Variants in CAV2 observed in about 807,000 individuals in gnomAD.
The protein encoded by CAV2 is caveolin-2.
In CAV2, 7 loss-of-function variants were observed where a neutral mutation model predicts 15.5. That is an observed-to-expected ratio of 0.45 (90% CI 0.26 to 0.85). The LOEUF (loss-of-function observed/expected upper bound fraction) is 0.85. CAV2 is among the 40% of genes least tolerant of loss of function. CAV2 has a pLI of 0.18. For synonymous variants in CAV2, 76 were observed against 83.1 expected, an observed-to-expected ratio of 0.91 and a Z score of 0.46; for missense variants, 229 against 208.8, an observed-to-expected ratio of 1.10 and a Z score of -0.60.
intron 2 of CAV2, among the ~76,000 whole-genome samples, chr7:116,503,979 AAG>A (rs1793170441): frequency 6.6e-6 from 1 of 151,114 alleles, no homozygotes; most frequent in South Asian, 2.1e-4. Flanking sequence ...GAAGGAAAGA[AAG>A]AAAGAAAAGA....
At chr7:116,505,141 A>G (rs1793202884) in intron 2 of CAV2, among the ~76,000 whole-genome samples, 1 of 152,198 alleles carries the variant, frequency 6.6e-6, no homozygotes, top group Non-Finnish European at 1.5e-5. Context: ...TAGAAATACA[A>G]TGAGGGAATA....
In CAV2 at chr7:116,500,459, C is replaced by G; in HGVS notation, c.338+12C>G. 6.2e-7 allele frequency: 1 copy of G among 1,608,438 alleles called. No homozygotes were observed. Among genetic ancestry groups the G allele is most frequent in the South Asian group, 1.1e-5 (1 of 90,218 alleles). On this transcript the variant is annotated intron_variant, in intron 2 of 2. Coordinates refer to ENST00000222693, the MANE Select transcript of CAV2 (RefSeq NM_001233.5). ...TGTCTGCACATCTGGTGAGACGGGG[C>G]ACACCGGGTGGACCGGCTTTCTGAA...
In CAV2 at chr7:116,506,422, A is replaced by G. The variant is rs577269030; in HGVS notation, c.*301A>G. 4 of 252,624 alleles carry G rather than the reference A, an allele frequency of 1.6e-5. No homozygotes were observed. The highest frequency in any genetic ancestry group is 8.9e-5 in the African/African-American group (4 of 45,092). The allele number at this position is 252,624 out of a possible 1,614,324, so 15.6% of individuals were successfully genotyped here. A position where few individuals can be genotyped will look rare whatever the true frequency, so the allele number is the denominator to read the frequency against. On this transcript the variant is annotated 3_prime_UTR_variant, in exon 3 of 3. Coordinates refer to ENST00000222693, the MANE Select transcript of CAV2 (RefSeq NM_001233.5). ...GTATACATTTTATAATGATGAACTT[A>G]TAATGATTAAGGGACATTTCTATAA...
intron 2 of CAV2, among the ~76,000 whole-genome samples, chr7:116,505,636 C>G (rs946889745): frequency 3.9e-5 from 6 of 152,060 alleles, no homozygotes; most frequent in Admixed American, 3.9e-4. Context: ...GTCCCAGACT[C>G]TTTTAGTTAA....
intron 2 of CAV2, among the ~76,000 whole-genome samples, chr7:116,503,180 ATT>A (rs1308639114): frequency 6.7e-6 from 1 of 148,944 alleles, no homozygotes; most frequent in African/African-American, 2.4e-5. Flanking sequence ...ATATATATAT[ATT>A]ATAAGATTTA....
chr7:116,503,987 AAAG>A (rs1319455710), intron 2 of CAV2, among the ~76,000 whole-genome samples: 9 of 150,424 alleles, frequency 6.0e-5, no homozygotes, highest in Admixed American at 2.7e-4. Context: ...GAAAGAAAGA[AAAG>A]AAGAAAGAAA....
At chr7:116,503,960 A>G (rs1405313833) in intron 2 of CAV2, among the ~76,000 whole-genome samples, 1 of 149,772 alleles carries the variant, frequency 6.7e-6, no homozygotes, top group African/African-American at 2.5e-5. Context: ...ACAGAAAGAA[A>G]AAGAGAAAGA....
chr7:116,500,349 C>T lies in CAV2; in HGVS notation c.240C>T (p.Ser80=), dbSNP rs1451996790. The T allele has an allele frequency of 1.2e-6, 2 of 1,614,226 alleles. No homozygotes were observed. Among genetic ancestry groups the T allele is most frequent in the Middle Eastern group, 1.7e-4 (1 of 6,060 alleles). The change falls in exon 2 of 3, where the codon AGC becomes AGT. Residue 80 remains serine (S), a synonymous_variant. Transcript: ENST00000222693. ...GCAGCCATGCCCTCTTTGAAATCAG[C>T]AAATACGTAATGTACAAGTTCCTGA... ...WICSHALFEI[S]KYVMYKFLTV... is the part of the protein sequence containing the mutation.
chr7:116,500,335 C>T lies in CAV2; in HGVS notation c.226C>T (p.Leu76Phe). Reference protein sequence around the residue: ...FDKVWICSHALFEISKYVMYK... With the variant: ...FDKVWICSHAFFEISKYVMYK... ...CAAAGTGTGGATCTGCAGCCATGCCCTCTTTGAAATCAGCAAATACGTAAT... is the reference window on the plus strand; with the variant it reads ...CAAAGTGTGGATCTGCAGCCATGCCTTCTTTGAAATCAGCAAATACGTAAT... Residue 76 changes from leucine (L) to phenylalanine (F), a missense_variant, in exon 2 of 3, where the codon CTC becomes TTC. Physicochemically the swap from Leu to Phe is conservative, Grantham distance 22 (BLOSUM62 0). Transcript: ENST00000222693. The T allele has an allele frequency of 2.5e-6, 4 of 1,614,042 alleles. No individual in the cohort carries two copies. Among genetic ancestry groups the T allele is most frequent in the Non-Finnish European group, 3.4e-6 (4 of 1,179,960 alleles).
Position 116,500,281 on chromosome 7 carries a change from G to T in CAV2, c.172G>T (p.Ala58Ser), listed in dbSNP as rs375431787. ...HLKLGFEDVIAEPVTTHSFDK... is the reference protein window; with the variant it reads ...HLKLGFEDVISEPVTTHSFDK... ...TCAGCTGGGCTTCGAGGATGTGATC[G>T]CAGAGCCGGTGACTACGCACTCCTT... Residue 58 changes from alanine to serine, a missense_variant, in exon 2 of 3, where the codon GCA becomes TCA. Transcript: ENST00000222693. 32 of 1,613,912 alleles carry T rather than the reference G, an allele frequency of 2.0e-5. No individual in the cohort carries two copies. The highest frequency in any genetic ancestry group is 2.5e-5 in the Non-Finnish European group (30 of 1,179,954).
chr7:116,505,974 T>G lies in CAV2; in HGVS notation c.342T>G (p.Ile114Met). 1 of 1,611,000 alleles carries G rather than the reference T, an allele frequency of 6.2e-7. No individual in the cohort carries two copies. The highest frequency in any genetic ancestry group is 1.3e-5 in the African/African-American group (1 of 74,976). The change falls in exon 3 of 3, where the codon ATT becomes ATG. Residue 114 changes from isoleucine (I) to methionine (M), a missense_variant. Transcript: ENST00000222693. Reference sequence around the variant, plus strand: ...CATCTCTCTTCCTTCCTTCCAGGATTTTAATGCCTTTTGTAAAGACCTGCC... The same window carrying G: ...CATCTCTCTTCCTTCCTTCCAGGATGTTAATGCCTTTTGTAAAGACCTGCC... ...FATLSCLHIWILMPFVKTCLM... is the reference protein window; with the variant it reads ...FATLSCLHIWMLMPFVKTCLM...
chr7:116,499,899 C>T lies in CAV2; in HGVS notation c.118C>T (p.Arg40Trp), dbSNP rs774405320. The change falls in exon 1 of 3, where the codon CGG becomes TGG. Residue 40 changes from arginine to tryptophan, a missense_variant. Transcript: ENST00000222693. Reference protein sequence around the residue: ...PEKFADSDQDRDPHRLNSHLK... With the variant: ...PEKFADSDQDWDPHRLNSHLK... ...GAAGTTCGCGGACTCGGACCAGGAC[C>T]GGGATCCCCACCGGCTCAACTCGCA... 2 of 1,612,160 alleles carry T rather than the reference C, an allele frequency of 1.2e-6. No homozygotes were observed. The highest frequency in any genetic ancestry group is 1.1e-5 in the South Asian group (1 of 91,010).
intron 2 of CAV2, among the ~76,000 whole-genome samples, chr7:116,502,951 G>C (rs1793137848): frequency 6.6e-6 from 1 of 152,008 alleles, no homozygotes; most frequent in African/African-American, 2.4e-5. Flanking sequence ...CCTTATTTTT[G>C]CTGGAATGCA....
chr7:116,508,185 G>T lies in CAV2; in HGVS notation c.*2064G>T, dbSNP rs1482106248. ...TTTAAAAACATTTTTTATACATTTG[G>T]TTATGTTGATAAACCAAAAACATTT... On this transcript the variant is annotated 3_prime_UTR_variant, in exon 3 of 3. Transcript: ENST00000222693. 6.6e-6 allele frequency: 1 copy of T among 152,048 alleles called. No individual in the cohort carries two copies. The highest frequency in any genetic ancestry group is 2.4e-5 in the African/African-American group (1 of 41,402). 9.4% of individuals were successfully genotyped at this position (152,048 alleles called of 1,614,324 possible).
At chr7:116,503,623 G>A (rs1334143024) in intron 2 of CAV2, among the ~76,000 whole-genome samples, 3 of 152,128 alleles carry the variant, frequency 2.0e-5, no homozygotes, top group South Asian at 4.1e-4. Flanking sequence ...GAGGTCAGGA[G>A]TTCAAGAACA....
intron 2 of CAV2, among the ~76,000 whole-genome samples, chr7:116,503,323 T>C (rs2116126334): frequency 6.6e-6 from 1 of 152,256 alleles, no homozygotes; most frequent in Non-Finnish European, 1.5e-5. Flanking sequence ...GATCATTAGA[T>C]TCTCTGCTCC....
intron 2 of CAV2, among the ~76,000 whole-genome samples, chr7:116,502,766 A>G (rs552236159): frequency 9.8e-5 from 15 of 152,314 alleles, no homozygotes; most frequent in African/African-American, 3.6e-4. Flanking sequence ...AACAACAATA[A>G]AACACAGAAG....
At chr7:116,500,502 G>T (rs556626986) in intron 2 of CAV2, 55 bp downstream of exon 2, 1 of 1,528,550 alleles carries the variant, frequency 6.5e-7, no homozygotes, top group Non-Finnish European at 8.9e-7. Context: ...CATATTCTCC[G>T]CCACCTGCCC....
rs1419006372 is a variant in CAV2 at position 116,507,184 on chromosome 7, A to G, written c.*1063A>G. Reference sequence around the variant, plus strand: ...CTGATACTTTAGTACAATTTCAACTACAGTGATTCATGTAGAGAGACAGGG... The same window carrying G: ...CTGATACTTTAGTACAATTTCAACTGCAGTGATTCATGTAGAGAGACAGGG... On this transcript the variant is annotated 3_prime_UTR_variant, in exon 3 of 3. Coordinates refer to ENST00000222693, the MANE Select transcript of CAV2 (RefSeq NM_001233.5). The G allele has an allele frequency of 6.6e-6, 1 of 152,646 alleles. No homozygotes were observed. The highest frequency in any genetic ancestry group is 2.4e-5 in the African/African-American group (1 of 41,456). 9.5% of individuals were successfully genotyped at this position (152,646 alleles called of 1,614,324 possible).
Sources: allele counts gnomAD v4.1 joint callset (sites outside exome capture counted in the v4.1 genomes callset), GRCh38; gene constraint gnomAD v4.1.1; transcripts MANE v1.5; gene names NCBI Gene and HGNC (gene_info 2026-07-23, HGNC 2026-07-21).